PDE1A: variants seen among roughly 807,000 people sequenced by gnomAD.
PDE1A encodes the protein dual specificity calcium/calmodulin-dependent 3',5'-cyclic nucleotide phosphodiesterase 1A.
In PDE1A, 35 loss-of-function variants were observed where a neutral mutation model predicts 61.7. The observed-to-expected ratio is 0.57, with a 90% CI of 0.43 to 0.75. The LOEUF (loss-of-function observed/expected upper bound fraction) is 0.75, where lower values mean the gene tolerates loss of function less well. Among genes scored for constraint, PDE1A ranks in the 30% least tolerant of loss-of-function variants. The pLI, the probability that PDE1A is intolerant of heterozygous loss-of-function variation, is 0.00. For synonymous variants in PDE1A, 232 were observed against 213.2 expected (o/e 1.09, Z -0.77); for missense variants, 597 against 630.6 (o/e 0.95, Z 0.57).
intron 2 of PDE1A, among the ~76,000 whole-genome samples, chr2:182,435,495 T>C (rs576757313): frequency 3.9e-5 from 6 of 152,176 alleles, no homozygotes; most frequent in African/African-American, 1.4e-4. Flanking sequence ...GTGTCAGTCA[T>C]GCGGCATTCG....
At chr2:182,628,079 T>C in the PDE1A span, among the ~76,000 whole-genome samples, 95 of 150,832 alleles carry the variant, frequency 6.3e-4, no homozygotes, top group Admixed American at 1.8e-3. Flanking sequence ...CACACACAGT[T>C]TGCATTTTTT....
intron 1 of PDE1A, among the ~76,000 whole-genome samples, chr2:182,293,866 A>T (rs752064995): frequency 6.6e-5 from 10 of 152,192 alleles, no homozygotes; most frequent in Non-Finnish European, 1.3e-4. Flanking sequence ...TGAATGACAT[A>T]GGCATTGTGA....
chr2:182,291,106 T>C (rs1574266539), intron 1 of PDE1A, among the ~76,000 whole-genome samples: 1 of 152,240 alleles, frequency 6.6e-6, no homozygotes, highest in Non-Finnish European at 1.5e-5. Flanking sequence ...GCTCTGATCC[T>C]GACCATCTCT....
chr2:182,613,882 T>C, the PDE1A span, among the ~76,000 whole-genome samples: 37 of 152,242 alleles, frequency 2.4e-4, 1 homozygote, highest in East Asian at 4.4e-3. Context: ...GCAAACAGGG[T>C]CAATATTAGA....
chr2:182,540,959 C>T, the PDE1A span, among the ~76,000 whole-genome samples: 3 of 152,152 alleles, frequency 2.0e-5, no homozygotes, highest in African/African-American at 4.8e-5. Flanking sequence ...CAAGAAAACT[C>T]AACTGCTTTC....
At chr2:182,484,316 C>CA (rs1444530218) in intron 2 of PDE1A, among the ~76,000 whole-genome samples, 1 of 151,504 alleles carries the variant, frequency 6.6e-6, no homozygotes, top group Non-Finnish European at 1.5e-5. Context: ...AAACATATAC[C>CA]AAAAAATCAT....
At chr2:182,321,467 T>G (rs568319616) in intron 1 of PDE1A, among the ~76,000 whole-genome samples, 1 of 152,272 alleles carries the variant, frequency 6.6e-6, no homozygotes, top group South Asian at 2.1e-4. Context: ...TTTGGTTTTA[T>G]GAAGTATCAG....
At chr2:182,640,912 T>A in the PDE1A span, among the ~76,000 whole-genome samples, 1 of 149,896 alleles carries the variant, frequency 6.7e-6, no homozygotes, top group Non-Finnish European at 1.5e-5. Context: ...CCCAGCCACC[T>A]GGGAGGCTGA....
At chr2:182,513,223 G>T (rs1689920459) in intron 2 of PDE1A, among the ~76,000 whole-genome samples, 1 of 152,126 alleles carries the variant, frequency 6.6e-6, no homozygotes, top group Admixed American at 6.5e-5. Context: ...CCTACAGAGA[G>T]AACTCCCTTA....
the PDE1A span, among the ~76,000 whole-genome samples, chr2:182,704,582 T>G: frequency 6.6e-6 from 1 of 152,220 alleles, no homozygotes; most frequent in Non-Finnish European, 1.5e-5. Flanking sequence ...AATTAAAACA[T>G]AAATTTAAAA....
At chr2:182,472,559 T>G (rs1473967492) in intron 2 of PDE1A, among the ~76,000 whole-genome samples, 1 of 151,620 alleles carries the variant, frequency 6.6e-6, no homozygotes, top group Non-Finnish European at 1.5e-5. Flanking sequence ...CTTGAAAGGG[T>G]ATGAGGGATG....
chr2:182,565,474 C>A, the PDE1A span, among the ~76,000 whole-genome samples: 1 of 152,058 alleles, frequency 6.6e-6, no homozygotes, highest in African/African-American at 2.4e-5. Flanking sequence ...CTGGGGGGTG[C>A]CTCCCAGTTA....
chr2:182,310,028 T>C (rs547079553), intron 1 of PDE1A, among the ~76,000 whole-genome samples: 15 of 152,112 alleles, frequency 9.9e-5, no homozygotes, highest in Non-Finnish European at 1.5e-4. Flanking sequence ...ATCAGAGTAA[T>C]TGAGGCAAGA....
At chr2:182,156,121 G>A (rs1691068380) in intron 13 of PDE1A, among the ~76,000 whole-genome samples, 1 of 152,092 alleles carries the variant, frequency 6.6e-6, no homozygotes, top group African/African-American at 2.4e-5. Context: ...CTGTCTATAT[G>A]TATTTTAGCA....
intron 2 of PDE1A, among the ~76,000 whole-genome samples, chr2:182,263,680 A>G (rs548272125): frequency 2.6e-5 from 4 of 152,354 alleles, no homozygotes; most frequent in African/African-American, 9.6e-5. Context: ...CACTGGTCAC[A>G]TCTCCTGGAT....
chr2:182,677,148 T>C, the PDE1A span, among the ~76,000 whole-genome samples: 1 of 152,264 alleles, frequency 6.6e-6, no homozygotes, highest in African/African-American at 2.4e-5. Flanking sequence ...CAATATGATT[T>C]GATATCAAGA....
chr2:182,317,733 G>T (rs1018658560), intron 1 of PDE1A, among the ~76,000 whole-genome samples: 10 of 152,130 alleles, frequency 6.6e-5, no homozygotes, highest in African/African-American at 2.4e-4. Flanking sequence ...AGGAACAATG[G>T]AGGTGGCTCT....
chr2:182,166,765 G>T (rs887127261), downstream of PDE1A, among the ~76,000 whole-genome samples: 1 of 152,098 alleles, frequency 6.6e-6, no homozygotes, highest in Non-Finnish European at 1.5e-5. Flanking sequence ...TCCACCTCCT[G>T]TGTGAAGGCA....
chr2:182,539,213 C>T, the PDE1A span, among the ~76,000 whole-genome samples: 2,381 of 152,246 alleles, frequency 0.016, 40 homozygotes, highest in Non-Finnish European at 0.027. Flanking sequence ...TTATTTTACT[C>T]ATAGTAAATT....
Sources: allele counts gnomAD v4.1 joint callset (sites outside exome capture counted in the v4.1 genomes callset), GRCh38; gene constraint gnomAD v4.1.1; transcripts MANE v1.5; gene names NCBI Gene and HGNC (gene_info 2026-07-23, HGNC 2026-07-21).